Variants in LETM1 observed in about 807,000 individuals in gnomAD.
LETM1 encodes leucine zipper and EF-hand containing transmembrane protein 1.
LETM1 carries 50 observed loss-of-function variants against 74.5 expected under a neutral mutation model. That is an observed-to-expected ratio of 0.67 (90% CI 0.53 to 0.85). The LOEUF is 0.85. Ranked by LOEUF, LETM1 falls within the 40% of genes least tolerant of loss-of-function variation. The probability of loss-of-function intolerance (pLI) is 0.00; values close to 1 mark genes in which losing one functional copy is unlikely to be tolerated. For missense variants in LETM1, 824 were observed against 967.8 expected, an observed-to-expected ratio of 0.85 and a Z score of 1.97; for synonymous variants, 446 against 407.1, an observed-to-expected ratio of 1.10 and a Z score of -1.15.
At chr4:1,815,370 T>C (rs1711533378) in intron 13 of LETM1, among the ~76,000 whole-genome samples, 1 of 152,172 alleles carries the variant, frequency 6.6e-6, no homozygotes, top group Non-Finnish European at 1.5e-5. Context: ...AGGTGTTTGC[T>C]GCACCCCCCC....
rs1298871866 is a variant in LETM1 at position 1,829,174 on chromosome 4, C to A, written c.1081-3491G>T. 3.6e-3 allele frequency among the ~76,000 whole-genome samples: 482 copies of A among 135,426 alleles called. 2 individuals are homozygous for A. Among genetic ancestry groups the A allele is most frequent in the African/African-American group, 0.014 (450 of 32,064 alleles). 88.8% of individuals were successfully genotyped at this position (135,426 alleles called of 152,430 possible). The stretch of plus-strand genomic sequence containing the variant: ...GGCTGGCCGGGCAGGGGGGCTGACC[C>A]CCCCCCCACCTCCCTCCCGGACGGG... On this transcript the variant is annotated intron_variant, in intron 6 of 13. Coordinates refer to ENST00000302787, the MANE Select transcript of LETM1 (RefSeq NM_012318.3).
At chr4:1,827,914 G>T (rs1463004053) in intron 6 of LETM1, among the ~76,000 whole-genome samples, 1 of 145,740 alleles carries the variant, frequency 6.9e-6, no homozygotes, top group Admixed American at 6.7e-5. Flanking sequence ...CTGGCTGGGC[G>T]GGGGGCTGAC....
Position 1,819,444 on chromosome 4 carries a change from T to C in LETM1, c.1637A>G (p.Asp546Gly). 1 of 1,613,382 alleles carries C rather than the reference T, an allele frequency of 6.2e-7. No homozygotes were observed. Among genetic ancestry groups the C allele is most frequent in the Non-Finnish European group, 8.5e-7 (1 of 1,179,766 alleles). ...CTTAGAGCAGGCATCGCTGAGGATG[T>C]CGATTTCCTCCTTCGTGATCTCTTC... ...KEEEITKEEI[D>G]ILSDACSKLQ... Residue 546 changes from aspartate to glycine, a missense_variant, in exon 11 of 14, where the codon GAC (aspartate) becomes GGC (glycine). Physicochemically the swap from Asp to Gly is moderately conservative, Grantham distance 94. Coordinates refer to ENST00000302787, the MANE Select transcript of LETM1 (RefSeq NM_012318.3).
intron 6 of LETM1, among the ~76,000 whole-genome samples, chr4:1,827,100 G>T (rs1217566997): frequency 2.0e-5 from 3 of 152,178 alleles, no homozygotes; most frequent in African/African-American, 7.2e-5. Flanking sequence ...AACTCTTCCT[G>T]CTGCGCCGAG....
Position 1,822,968 on chromosome 4 carries a change from G to T in LETM1, c.1476+20C>A. On this transcript the variant is annotated intron_variant, in intron 9 of 13. Coordinates refer to ENST00000302787, the MANE Select transcript of LETM1 (RefSeq NM_012318.3). ...GGCTCAGGACAGCCCCACGCGGCAC[G>T]GAGCAGGACCACCGCTTACCGCCAC... The T allele has an allele frequency of 6.8e-7, 1 of 1,464,112 alleles. No individual in the cohort carries two copies. Among genetic ancestry groups the T allele is most frequent in the Non-Finnish European group, 9.1e-7 (1 of 1,100,538 alleles). The allele number at this position is 1,464,112 out of a possible 1,614,324, so 90.7% of individuals were successfully genotyped here.
At chr4:1,853,050 G>A (rs2402494) in intron 1 of LETM1, among the ~76,000 whole-genome samples, 2,875 of 151,942 alleles carry the variant, frequency 0.019, 62 homozygotes, top group Admixed American at 0.064. Flanking sequence ...GAATACACAC[G>A]CCCCACAGGT....
chr4:1,853,957 T>A (rs951168178), intron 1 of LETM1, among the ~76,000 whole-genome samples: 2 of 152,184 alleles, frequency 1.3e-5, no homozygotes, highest in Non-Finnish European at 2.9e-5. Flanking sequence ...AATGACAGAA[T>A]CGCACATAAA....
At chr4:1,841,821 C>T (rs1560502073) in intron 2 of LETM1, 24 bp from the exon 3 acceptor site, 1 of 1,565,042 alleles carries the variant, frequency 6.4e-7, no homozygotes, top group South Asian at 1.1e-5. Flanking sequence ...GAGTGGAAAA[C>T]AGTAGTAAGA....
chr4:1,818,819 C>T (rs563087887), intron 11 of LETM1, among the ~76,000 whole-genome samples: 3 of 151,920 alleles, frequency 2.0e-5, no homozygotes, highest in South Asian at 2.1e-4. Context: ...ACGGTGGCCA[C>T]GCCTGTAATC....
rs1004110809 is a variant in LETM1, at chr4:1,814,341, G to A, written c.*83C>T. The A allele has an allele frequency of 1.9e-6, 3 of 1,590,946 alleles. No homozygotes were observed. The highest frequency in any genetic ancestry group is 2.7e-5 in the African/African-American group (2 of 74,082). On this transcript the variant is annotated 3_prime_UTR_variant, in exon 14 of 14. Transcript: ENST00000302787. ...CAGCCAAAATATTAGATGAGCCACT[G>A]AGAATCACCACAAAGCAATCGCCCT...
intron 2 of LETM1, among the ~76,000 whole-genome samples, chr4:1,844,457 C>T (rs906357999): frequency 5.9e-5 from 9 of 152,302 alleles, no homozygotes; most frequent in African/African-American, 1.9e-4. Context: ...TCCAGCAGGG[C>T]GCAGTGGCTC....
intron 7 of LETM1, 28 bp from the exon 8 acceptor site, chr4:1,823,803 G>A: frequency 6.3e-7 from 1 of 1,590,264 alleles, no homozygotes; most frequent in Non-Finnish European, 8.6e-7. Context: ...TTCAGCAGAT[G>A]GGCAGCCCCC....
intron 10 of LETM1, among the ~76,000 whole-genome samples, chr4:1,821,673 G>A (rs1711779307): frequency 1.3e-5 from 2 of 152,326 alleles, no homozygotes; most frequent in Admixed American, 1.3e-4. Flanking sequence ...GCGAGTTCAA[G>A]ATGGAAGGTA....
At chr4:1,824,540 AGAG>A (rs1303959682) in intron 7 of LETM1, among the ~76,000 whole-genome samples, 1 of 152,184 alleles carries the variant, frequency 6.6e-6, no homozygotes, top group African/African-American at 2.4e-5. Flanking sequence ...ACAAACCCTA[AGAG>A]AAGAAAGGCA....
At chr4:1,837,699 GT>G (rs1156556783) in intron 3 of LETM1, among the ~76,000 whole-genome samples, 1,504 of 125,752 alleles carry the variant, frequency 0.012, 8 homozygotes, top group African/African-American at 0.039. Flanking sequence ...AAATTTACAA[GT>G]TTTTTTTTTT....
At position 1,822,208 on chromosome 4, in the gene LETM1, G is replaced by A. The variant is rs1371693199; in HGVS notation, c.1581C>T (p.Asp527=). The change falls in exon 10 of 14, where the codon GAC becomes GAT. Residue 527 remains aspartate (D), a synonymous_variant. Transcript: ENST00000302787. ...TCAAGCCCTCCAGCACCGGGGCAGT[G>A]TCCTTCAAGGTCTCTGACTGCAGGA... ...DTVLQSETLK[D]TAPVLEGLKE... 6.7e-7 allele frequency: 1 copy of A among 1,491,800 alleles called. No homozygotes were observed. Among genetic ancestry groups the A allele is most frequent in the Non-Finnish European group, 9.0e-7 (1 of 1,107,680 alleles). 92.4% of individuals were successfully genotyped at this position (1,491,800 alleles called of 1,614,324 possible). A position where few individuals can be genotyped will look rare whatever the true frequency, so the allele number is the denominator to read the frequency against.
Position 1,834,058 on chromosome 4 carries a change from C to G in LETM1, c.876+787G>C, listed in dbSNP as rs1191984316. On this transcript the variant is annotated intron_variant, in intron 5 of 13. Coordinates refer to ENST00000302787, the MANE Select transcript of LETM1 (RefSeq NM_012318.3). This position sits in a 1 kb window ranked among gnomAD's most constrained non-coding sequence, Gnocchi z 5.0. ...GCCCCATGGCTGTGTCGCCTCCTCC[C>G]GAGAGGCTTCTCCGTGGTTAGGCCT... The G allele has an allele frequency of 6.6e-6, 1 of 152,334 alleles. No homozygotes were observed. Among genetic ancestry groups the G allele is most frequent in the South Asian group, 2.1e-4 (1 of 4,832 alleles). The allele number at this position is 152,334 out of a possible 1,614,324, so 9.4% of individuals were successfully genotyped here. A position where few individuals can be genotyped will look rare whatever the true frequency, so the allele number is the denominator to read the frequency against.
At chr4:1,843,074 G>T in intron 2 of LETM1, 1 of 284,900 alleles carries the variant, frequency 3.5e-6, no homozygotes, top group South Asian at 3.0e-5. Context: ...TCTGTGCATG[G>T]CCTGACGCCA....
chr4:1,832,156 G>C (rs1712295146), intron 6 of LETM1, among the ~76,000 whole-genome samples: 1 of 152,108 alleles, frequency 6.6e-6, no homozygotes, highest in African/African-American at 2.4e-5. Context: ...ACAAAAAATA[G>C]CCGGGTATGG....
Sources: allele counts gnomAD v4.1 joint callset (sites outside exome capture counted in the v4.1 genomes callset), GRCh38; gene constraint gnomAD v4.1.1; non-coding constraint Gnocchi (gnomAD v3.1); transcripts MANE v1.5; gene names NCBI Gene and HGNC (gene_info 2026-07-23, HGNC 2026-07-21).